GANC: variants seen among roughly 807,000 people sequenced by gnomAD.
GANC encodes the protein neutral alpha-glucosidase C.
Under a neutral mutation model 124.2 loss-of-function variants are expected in GANC, and 117 were observed. That is an observed-to-expected ratio of 0.94 (90% CI 0.81 to 1.10). GANC has a LOEUF of 1.10. GANC is among the 50% of genes least tolerant of loss of function. The pLI, the probability that GANC is intolerant of heterozygous loss-of-function variation, is 0.00. For missense variants in GANC, 1,140 were observed against 1,095.0 expected (o/e 1.04, Z -0.58); for synonymous variants, 377 against 376.8 (o/e 1.00, Z -0.01).
In GANC at chr15:42,308,249, C is replaced by T; in HGVS notation, c.653C>T (p.Ser218Phe). 1.2e-6 allele frequency: 2 copies of T among 1,607,204 alleles called. No homozygotes were observed. The highest frequency in any genetic ancestry group is 1.7e-6 in the Non-Finnish European group (2 of 1,174,982). The change falls in exon 8 of 24, where the codon TCC becomes TTC. Residue 218 changes from serine to phenylalanine, a missense_variant. Transcript: ENST00000318010. The part of the protein sequence containing the change: ...NGPSSIGLDF[S>F]LHGFEHLYGI... ...CCTTCTTCTATTGGTTTGGATTTCT[C>T]CTTGCATGGATTTGAGCATCTTTAT...
In GANC at chr15:42,340,767, GTTTTT is replaced by G. The variant is rs372974307; in HGVS notation, c.2152+26_2152+30del. The G allele has an allele frequency of 3.6e-5, 49 of 1,375,176 alleles. No individual in the cohort carries two copies. Among genetic ancestry groups the G allele is most frequent in the East Asian group, 7.6e-5 (3 of 39,520 alleles). The allele number at this position is 1,375,176 out of a possible 1,614,324, so 85.2% of individuals were successfully genotyped here. On this transcript the variant is annotated intron_variant, in intron 18 of 23. Coordinates refer to ENST00000318010, the MANE Select transcript of GANC (RefSeq NM_198141.3). ...GAATACATGCTGGGTGAGCATTTCTGTTTTTTTTTTTTTTTTTGAGACGGAGTCTC... is the reference window on the plus strand; with the variant it reads ...GAATACATGCTGGGTGAGCATTTCTGTTTTTTTTTTTTGAGACGGAGTCTC...
chr15:42,316,953 A>G (rs1044054938), intron 10 of GANC, among the ~76,000 whole-genome samples: 1 of 151,932 alleles, frequency 6.6e-6, no homozygotes, highest in Non-Finnish European at 1.5e-5. Context: ...TAGTAATGCA[A>G]CAAAGAGTAA....
At chr15:42,316,908 C>G (rs1031637212) in intron 10 of GANC, among the ~76,000 whole-genome samples, 1 of 152,216 alleles carries the variant, frequency 6.6e-6, no homozygotes, top group African/African-American at 2.4e-5. Flanking sequence ...CCTTGAGTAC[C>G]TGACCCTATA....
At chr15:42,283,558 G>A (rs2051754841) in intron 3 of GANC, 5 of 674,280 alleles carry the variant, frequency 7.4e-6, no homozygotes, top group Non-Finnish European at 1.3e-5. Flanking sequence ...TAATTATGAT[G>A]CTTTCTCATG....
chr15:42,289,167 A>G (rs1459896094), intron 4 of GANC, among the ~76,000 whole-genome samples: 1 of 152,186 alleles, frequency 6.6e-6, no homozygotes, highest in Non-Finnish European at 1.5e-5. Context: ...ACTCCCTTGT[A>G]GCTACAGGTT....
At chr15:42,321,705 T>C (rs1338581393) in intron 10 of GANC, 80 bp from the exon 11 acceptor site, 1 of 1,191,410 alleles carries the variant, frequency 8.4e-7, no homozygotes, top group Non-Finnish European at 1.2e-6. Context: ...GAATACTCTG[T>C]AGACATTCAG....
chr15:42,273,744 C>T lies in GANC; in HGVS notation c.-738C>T, dbSNP rs6493032. On this transcript the variant is annotated 5_prime_UTR_variant, in exon 1 of 24. Transcript: ENST00000318010. The stretch of plus-strand genomic sequence containing the variant: ...CTCTCTACTTCCGCTCGCCCCAGCC[C>T]TTCATCCCTTCTAAGTCAATGTCAG... 1,849 of 284,262 alleles carry T rather than the reference C, an allele frequency of 6.5e-3. 28 individuals are homozygous for T. Among genetic ancestry groups the T allele is most frequent in the African/African-American group, 0.036 (1,671 of 46,982 alleles). 17.6% of individuals were successfully genotyped at this position (284,262 alleles called of 1,614,324 possible).
chr15:42,296,664 A>G (rs1294469316), intron 5 of GANC, among the ~76,000 whole-genome samples: 1 of 152,098 alleles, frequency 6.6e-6, no homozygotes, highest in Non-Finnish European at 1.5e-5. Flanking sequence ...AAGTGCCCAT[A>G]TTACAGGTGT....
chr15:42,328,067 A>T (rs75412106), intron 13 of GANC, among the ~76,000 whole-genome samples: 14,755 of 152,228 alleles, frequency 0.097, 838 homozygotes, highest in South Asian at 0.18. Context: ...ACCCCATAGA[A>T]GAGGAAATTG....
chr15:42,340,866 A>G (rs1336225596), intron 18 of GANC, 112 bp downstream of exon 18: 3 of 801,328 alleles, frequency 3.7e-6, no homozygotes, highest in Non-Finnish European at 2.0e-6. Context: ...TCCCGGTTTC[A>G]AGAAATTGTC....
intron 4 of GANC, 35 bp downstream of exon 4, chr15:42,287,853 T>G: frequency 6.3e-7 from 1 of 1,586,982 alleles, no homozygotes; most frequent in Non-Finnish European, 8.5e-7. Context: ...AGAGACACGC[T>G]TGATATATTC....
intron 20 of GANC, among the ~76,000 whole-genome samples, chr15:42,346,947 A>T (rs576893150): frequency 2.0e-5 from 3 of 152,130 alleles, no homozygotes; most frequent in Non-Finnish European, 2.9e-5. Flanking sequence ...CCCATTATTT[A>T]AAAAAATAGT....
At chr15:42,277,585 A>G (rs2051684307) in intron 2 of GANC, among the ~76,000 whole-genome samples, 1 of 151,748 alleles carries the variant, frequency 6.6e-6, no homozygotes, top group Non-Finnish European at 1.5e-5. Context: ...TGCCTTTAAA[A>G]TCTTCATTTT....
chr15:42,278,113 A>G (rs563236408), intron 2 of GANC: 2 of 323,302 alleles, frequency 6.2e-6, no homozygotes, highest in Admixed American at 7.7e-5. Flanking sequence ...CCACTAGATT[A>G]TATTTAATAT....
intron 3 of GANC, among the ~76,000 whole-genome samples, 183 bp downstream of exon 3, chr15:42,278,773 T>G (rs989304174): frequency 6.6e-6 from 1 of 152,154 alleles, no homozygotes; most frequent in South Asian, 2.1e-4. Context: ...GTGGGCAGAT[T>G]GCTCGAGCCC....
At chr15:42,323,613 C>A (rs569135795) in intron 11 of GANC, among the ~76,000 whole-genome samples, 1 of 152,250 alleles carries the variant, frequency 6.6e-6, no homozygotes, top group African/African-American at 2.4e-5. Flanking sequence ...TGCAATTCTC[C>A]TGCCTCAGCC....
At chr15:42,334,165 CTTT>C (rs34880460) in intron 15 of GANC, among the ~76,000 whole-genome samples, 13 of 140,358 alleles carry the variant, frequency 9.3e-5, no homozygotes, top group South Asian at 2.3e-4. Flanking sequence ...AGAATAAAAT[CTTT>C]TTTTTTTTTT....
intron 2 of GANC, 126 bp from the exon 3 acceptor site, chr15:42,278,356 C>A: frequency 1.6e-6 from 1 of 608,694 alleles, no homozygotes; most frequent in East Asian, 2.9e-5. Flanking sequence ...AGTACTAATA[C>A]TGTTTGTGCC....
intron 22 of GANC, among the ~76,000 whole-genome samples, chr15:42,350,326 A>AGCGAGTCGTCTTTTATTATTATTATTAT (rs1566963145): frequency 1.3e-5 from 2 of 151,904 alleles, no homozygotes; most frequent in African/African-American, 4.8e-5. Context: ...CACTCCGCCC[A>AGCGAGTCGTCTTTTATTATTATTATTAT]TCTCCCCGAC....
Sources: gnomAD v4.1 joint callset for allele counts (sites outside exome capture counted in the v4.1 genomes callset) on GRCh38, gnomAD v4.1.1 for gene constraint, MANE v1.5 for transcripts, NCBI Gene and HGNC (gene_info 2026-07-23, HGNC 2026-07-21) for gene names.